Variants in CTIF observed in about 807,000 individuals in gnomAD.
CTIF encodes cap binding complex dependent translation initiation factor.
A neutral mutation model predicts 66.0 loss-of-function variants in CTIF; 21 were observed. That is an observed-to-expected ratio of 0.32 (90% CI 0.23 to 0.46). The LOEUF (loss-of-function observed/expected upper bound fraction) is 0.46, where lower values mean the gene tolerates loss of function less well. Ranked by LOEUF, CTIF falls within the 20% of genes least tolerant of loss-of-function variation. CTIF has a pLI of 1.00. For synonymous variants in CTIF, 345 were observed against 326.4 expected (o/e 1.06, Z -0.62); for missense variants, 739 against 812.7 (o/e 0.91, Z 1.10).
chr18:48,557,360 G>T (rs898488331), intron 1 of CTIF, among the ~76,000 whole-genome samples: 2 of 152,172 alleles, frequency 1.3e-5, no homozygotes, highest in Admixed American at 1.3e-4. Context: ...GGATAGGCAC[G>T]TGACCAGAGC....
chr18:48,752,905 C>T (rs1280724828), intron 7 of CTIF, among the ~76,000 whole-genome samples: 1 of 152,238 alleles, frequency 6.6e-6, no homozygotes, highest in Non-Finnish European at 1.5e-5. Context: ...ACCTCCCCTC[C>T]CTTATACTTT....
At chr18:48,552,081 C>T (rs941917886) in intron 1 of CTIF, among the ~76,000 whole-genome samples, 3 of 152,236 alleles carry the variant, frequency 2.0e-5, no homozygotes, top group Non-Finnish European at 2.9e-5. Context: ...GGATTACAGG[C>T]GTGAGCCACC....
intron 7 of CTIF, among the ~76,000 whole-genome samples, chr18:48,724,936 G>A (rs559017230): frequency 6.6e-6 from 1 of 152,248 alleles, no homozygotes; most frequent in Non-Finnish European, 1.5e-5. Flanking sequence ...CAGCTTCAAG[G>A]GGAGGATTTG....
intron 9 of CTIF, among the ~76,000 whole-genome samples, chr18:48,812,983 C>G (rs115113100): frequency 6.6e-6 from 1 of 150,816 alleles, no homozygotes; most frequent in Admixed American, 6.7e-5. Flanking sequence ...TGTCCACTCT[C>G]TATCTTCTCT....
chr18:48,712,165 C>T (rs2092231653), intron 7 of CTIF, among the ~76,000 whole-genome samples: 1 of 152,138 alleles, frequency 6.6e-6, no homozygotes, highest in Non-Finnish European at 1.5e-5. Context: ...CGTGCTGGCT[C>T]TGCTGTCACA....
At chr18:48,855,935 C>T (rs1180846011) in intron 10 of CTIF, among the ~76,000 whole-genome samples, 1 of 152,136 alleles carries the variant, frequency 6.6e-6, no homozygotes, top group Admixed American at 6.6e-5. Flanking sequence ...AAGTGAAGCC[C>T]AATGAGTGTG....
At chr18:48,613,441 G>A (rs918972634) in intron 1 of CTIF, among the ~76,000 whole-genome samples, 1 of 152,184 alleles carries the variant, frequency 6.6e-6, no homozygotes, top group East Asian at 1.9e-4. Flanking sequence ...TGGGCTGAGA[G>A]CAGCAAGGGA....
At chr18:48,606,378 T>G (rs560781875) in intron 1 of CTIF, among the ~76,000 whole-genome samples, 2 of 152,366 alleles carry the variant, frequency 1.3e-5, no homozygotes, top group African/African-American at 4.8e-5. Flanking sequence ...ACTGGGCCAC[T>G]GGCATACTGT....
chr18:48,792,245 G>T (rs1448409560), intron 9 of CTIF, among the ~76,000 whole-genome samples: 1 of 151,872 alleles, frequency 6.6e-6, no homozygotes, highest in African/African-American at 2.4e-5. Context: ...GCAGTGAAAG[G>T]CCCAGAGGCA....
At chr18:48,810,901 C>T (rs1278260719) in intron 9 of CTIF, among the ~76,000 whole-genome samples, 2 of 151,754 alleles carry the variant, frequency 1.3e-5, no homozygotes, top group East Asian at 3.8e-4. Flanking sequence ...TTCATTTGCT[C>T]ACTCTTGTTT....
chr18:48,825,244 C>A (rs2068560196), intron 10 of CTIF, among the ~76,000 whole-genome samples: 1 of 152,002 alleles, frequency 6.6e-6, no homozygotes, highest in African/African-American at 2.4e-5. Flanking sequence ...CTCCAGGCCC[C>A]AGAAATCCCA....
At chr18:48,681,415 G>A (rs2091740121) in intron 6 of CTIF, among the ~76,000 whole-genome samples, 2 of 151,918 alleles carry the variant, frequency 1.3e-5, no homozygotes, top group Non-Finnish European at 2.9e-5. Context: ...GGGGCCCCCA[G>A]CTGGATGCTA....
chr18:48,559,523 A>G (rs2089103946), intron 1 of CTIF, among the ~76,000 whole-genome samples: 1 of 152,250 alleles, frequency 6.6e-6, no homozygotes, highest in Non-Finnish European at 1.5e-5. Context: ...CTTAAACAGC[A>G]ATAATCCTTT....
intron 9 of CTIF, among the ~76,000 whole-genome samples, chr18:48,775,021 A>G (rs1910537997): frequency 6.6e-6 from 1 of 152,148 alleles, no homozygotes. Flanking sequence ...TTCGAAGCAC[A>G]GTCACCTGGA....
intron 6 of CTIF, among the ~76,000 whole-genome samples, chr18:48,701,905 A>G (rs1012887770): frequency 6.6e-6 from 1 of 152,230 alleles, no homozygotes; most frequent in African/African-American, 2.4e-5. Flanking sequence ...AAGTTGTATC[A>G]TGTTAAATTA....
intron 10 of CTIF, among the ~76,000 whole-genome samples, chr18:48,855,706 C>T (rs2069313127): frequency 6.6e-6 from 1 of 152,206 alleles, no homozygotes; most frequent in Admixed American, 6.5e-5. Context: ...GGACAGTCCT[C>T]CATGAGGGAA....
chr18:48,642,693 G>C (rs191857264), intron 3 of CTIF, among the ~76,000 whole-genome samples: 2 of 152,240 alleles, frequency 1.3e-5, no homozygotes, highest in East Asian at 3.9e-4. Context: ...GTATCAGTCA[G>C]GATAGCCTAG....
chr18:48,767,739 C>G (rs1599007114), intron 9 of CTIF, among the ~76,000 whole-genome samples: 1 of 152,200 alleles, frequency 6.6e-6, no homozygotes, highest in Admixed American at 6.5e-5. Context: ...CTAGCACCTT[C>G]TAGAAGACAG....
At chr18:48,641,785 C>G (rs1213738978) in intron 3 of CTIF, among the ~76,000 whole-genome samples, 2 of 152,220 alleles carry the variant, frequency 1.3e-5, no homozygotes, top group Non-Finnish European at 2.9e-5. Context: ...ACTGCCACAG[C>G]AGGTCTGGGT....
Sources: gnomAD v4.1 joint callset for allele counts (sites outside exome capture counted in the v4.1 genomes callset) on GRCh38, gnomAD v4.1.1 for gene constraint, MANE v1.5 for transcripts, NCBI Gene and HGNC (gene_info 2026-07-23, HGNC 2026-07-21) for gene names.